SLC22A14: variants seen among roughly 807,000 people sequenced by gnomAD.
SLC22A14 encodes organic cation transporter-like 4.
In SLC22A14, 50 loss-of-function variants were observed where a neutral mutation model predicts 53.9. The ratio of observed to expected loss-of-function variants is 0.93; its 90% CI spans 0.74 to 1.17. The LOEUF is 1.17. Ranked by LOEUF, SLC22A14 falls within the 50% of genes most tolerant of loss-of-function variation. The pLI is 0.00. For missense variants in SLC22A14, 671 were observed against 734.7 expected, an observed-to-expected ratio of 0.91 and a Z score of 1.00; for synonymous variants, 312 against 303.0, an observed-to-expected ratio of 1.03 and a Z score of -0.31.
intron 4 of SLC22A14, 21 bp from the exon 5 acceptor site, chr3:38,308,933 G>T: frequency 6.2e-7 from 1 of 1,610,994 alleles, no homozygotes; most frequent in African/African-American, 1.3e-5. Context: ...CCATGGTTTT[G>T]TCCTCTTGGC....
intron 1 of SLC22A14, among the ~76,000 whole-genome samples, chr3:38,299,977 C>A (rs1436328161): frequency 6.6e-6 from 1 of 152,180 alleles, no homozygotes; most frequent in African/African-American, 2.4e-5. Context: ...TGTGAATAAC[C>A]TTGTACACAT....
In SLC22A14 at chr3:38,309,141, G is replaced by T; in HGVS notation, c.944+19G>T. 6.2e-7 allele frequency: 1 copy of T among 1,605,590 alleles called. No individual in the cohort carries two copies. Among genetic ancestry groups the T allele is most frequent in the Non-Finnish European group, 8.5e-7 (1 of 1,172,416 alleles). ...ATATCTGGTGAGCAAGCGAGTACCG[G>T]GCATGTACAGGGCTGGGTCTGATGG... On this transcript the variant is annotated intron_variant, in intron 5 of 10. Transcript: ENST00000448498.
chr3:38,287,472 A>C (rs1182362037), intron 1 of SLC22A14, among the ~76,000 whole-genome samples: 1 of 152,146 alleles, frequency 6.6e-6, no homozygotes. Context: ...TTATGATATG[A>C]TGAATCTAAT....
chr3:38,304,047 C>T (rs887929437), intron 1 of SLC22A14, among the ~76,000 whole-genome samples: 9 of 151,774 alleles, frequency 5.9e-5, no homozygotes, highest in Admixed American at 2.6e-4. Flanking sequence ...AAAAATTAGC[C>T]GGGCGTGGTG....
chr3:38,313,292 C>G, intron 6 of SLC22A14, 96 bp from the exon 7 acceptor site: 1 of 1,386,484 alleles, frequency 7.2e-7, no homozygotes, highest in Non-Finnish European at 1.0e-6. Context: ...AGCCAGCTGG[C>G]ACTTTCAGGG....
In SLC22A14 at chr3:38,308,951, C is replaced by G. The variant is rs375660502; in HGVS notation, c.776-3C>G. 3 of 1,613,598 alleles carry G rather than the reference C, an allele frequency of 1.9e-6. No individual in the cohort carries two copies. The South Asian group carries it at 3.3e-5, about 18-fold the overall frequency. ...TGGTTTTGTCCTCTTGGCCTCTGCA[C>G]AGCCACTGAGTGGTTAGTGGGTGAG... On this transcript the variant is annotated splice_polypyrimidine_tract_variant and splice_region_variant and intron_variant, in intron 4 of 10. Coordinates refer to ENST00000448498, the MANE Select transcript of SLC22A14 (RefSeq NM_001320033.2).
At position 38,315,646 on chromosome 3, in the gene SLC22A14, C is replaced by T; in HGVS notation, c.1467C>T (p.Phe489=). 1 of 1,614,130 alleles carries T rather than the reference C, an allele frequency of 6.2e-7. No individual in the cohort carries two copies. Among genetic ancestry groups the T allele is most frequent in the Non-Finnish European group, 8.5e-7 (1 of 1,180,018 alleles). ...TCTTGGTGCTCATGCTCAGAGAGTT[C>T]AGCCTGGCCGCCACTGTCACTGTGT... ...MTILVLMLRE[F]SLAATVTVFF... is the part of the protein sequence containing the mutation. Residue 489 remains phenylalanine, a synonymous_variant, in exon 9 of 11, where the codon TTC becomes TTT. Transcript: ENST00000448498.
rs759696180 is a variant in SLC22A14 at position 38,316,508 on chromosome 3, C to T, written c.1717C>T (p.His573Tyr). 1.2e-6 allele frequency: 2 copies of T among 1,613,982 alleles called. No individual in the cohort carries two copies. Among genetic ancestry groups the T allele is most frequent in the Admixed American group, 3.3e-5 (2 of 60,012 alleles). Residue 573 changes from histidine to tyrosine, a missense_variant, in exon 10 of 11, where the codon CAC (histidine) becomes TAC (tyrosine). His to Tyr is a moderately conservative substitution (Grantham distance 83, BLOSUM62 2). Transcript: ENST00000448498. ...RDQPLSESLNHSSQIRNKVKD... is the reference protein window; with the variant it reads ...RDQPLSESLNYSSQIRNKVKD... ...TCAGCCCCTCTCCGAGAGCCTGAAC[C>T]ACTCCTCACAGATAAGGTAGGTGTG...
chr3:38,306,454 C>A lies in SLC22A14; in HGVS notation c.428C>A (p.Ser143Tyr), dbSNP rs551829797. The A allele has an allele frequency of 1.1e-5, 18 of 1,614,106 alleles. No homozygotes were observed. In the Admixed American group the frequency reaches 2.3e-4, roughly 21 times the overall value. ...CTTCCTGTGCCTTGGAATCTGGATT[C>A]TATCATCCAGTTTGGCCTCAATGAC... is the stretch of plus-strand genomic sequence containing the variant. ...MYLPVPWNLDSIIQFGLNDTD... is the reference protein window; with the variant it reads ...MYLPVPWNLDYIIQFGLNDTD... Residue 143 changes from serine (S) to tyrosine (Y), a missense_variant, in exon 2 of 11, where the codon TCT (serine) becomes TAT (tyrosine). By Grantham distance (144) the Ser-to-Tyr change is moderately radical. Coordinates refer to ENST00000448498, the MANE Select transcript of SLC22A14 (RefSeq NM_001320033.2).
At position 38,309,131 on chromosome 3, in the gene SLC22A14, G is replaced by A. The variant is rs201624917; in HGVS notation, c.944+9G>A. 9.3e-6 allele frequency: 15 copies of A among 1,612,588 alleles called. No homozygotes were observed. Among genetic ancestry groups the A allele is most frequent in the Non-Finnish European group, 1.2e-5 (14 of 1,178,712 alleles). On this transcript the variant is annotated intron_variant, in intron 5 of 10. Coordinates refer to ENST00000448498, the MANE Select transcript of SLC22A14 (RefSeq NM_001320033.2). Reference sequence around the variant, plus strand: ...TTCATCTCCTATATCTGGTGAGCAAGCGAGTACCGGGCATGTACAGGGCTG... The same window carrying A: ...TTCATCTCCTATATCTGGTGAGCAAACGAGTACCGGGCATGTACAGGGCTG...
chr3:38,313,692 G>GCGCGCT, intron 7 of SLC22A14, 35 bp from the exon 8 acceptor site: 1 of 1,434,020 alleles, frequency 7.0e-7, no homozygotes, highest in African/African-American at 1.4e-5. Context: ...GTGTGCGCGC[G>GCGCGCT]TGTGCACGCG....
At chr3:38,305,967 G>A in intron 1 of SLC22A14, 60 bp from the exon 2 acceptor site, 1 of 1,531,132 alleles carries the variant, frequency 6.5e-7, no homozygotes, top group African/African-American at 1.4e-5. Context: ...TCCCATGCTG[G>A]TCTCTGATGT....
chr3:38,298,870 T>G (rs993006297), intron 1 of SLC22A14, among the ~76,000 whole-genome samples: 1 of 152,178 alleles, frequency 6.6e-6, no homozygotes, highest in African/African-American at 2.4e-5. Context: ...TGTCCTTTAT[T>G]GTAACTCCTT....
chr3:38,281,943 C>G (rs987224615), upstream of SLC22A14, among the ~76,000 whole-genome samples: 8 of 152,158 alleles, frequency 5.3e-5, no homozygotes, highest in Admixed American at 5.2e-4. Flanking sequence ...CTGACCAAGG[C>G]TGGTTGGCAG....
chr3:38,307,674 C>T lies in SLC22A14; in HGVS notation c.729C>T (p.Gly243=). The T allele has an allele frequency of 6.2e-7, 1 of 1,614,234 alleles. No individual in the cohort carries two copies. The highest frequency in any genetic ancestry group is 8.5e-7 in the Non-Finnish European group (1 of 1,180,046). ...ACCTGTATTTGTTCTTTCGCTTTGG[C>T]ATCTCGCAGTCAGTGGTGGGCTACG... is the stretch of plus-strand genomic sequence containing the variant. ...SFHLYLFFRF[G]ISQSVVGYAI... The change falls in exon 4 of 11, where the codon GGC becomes GGT. Residue 243 remains glycine (G), a synonymous_variant. Transcript: ENST00000448498. This position sits in a 1 kb window ranked among gnomAD's most constrained non-coding sequence, Gnocchi z 4.4.
intron 1 of SLC22A14, among the ~76,000 whole-genome samples, chr3:38,292,066 C>G (rs188447698): frequency 3.2e-4 from 48 of 152,296 alleles, no homozygotes; most frequent in African/African-American, 1.2e-3. Context: ...GGTTTGGAAA[C>G]CTTGTAGCCA....
chr3:38,300,675 G>A (rs371175728), intron 1 of SLC22A14, among the ~76,000 whole-genome samples: 281 of 152,272 alleles, frequency 1.8e-3, no homozygotes, highest in African/African-American at 6.5e-3. Flanking sequence ...GCCCAGCATT[G>A]TTATTGGGGG....
chr3:38,280,791 G>A (rs568866394), upstream of SLC22A14, among the ~76,000 whole-genome samples: 10 of 152,326 alleles, frequency 6.6e-5, no homozygotes, highest in South Asian at 2.1e-3. Context: ...CACTGCGCCA[G>A]GCTAATTTTT....
At chr3:38,292,457 T>C (rs531224085) in intron 1 of SLC22A14, among the ~76,000 whole-genome samples, 5 of 152,274 alleles carry the variant, frequency 3.3e-5, no homozygotes, top group African/African-American at 4.8e-5. Context: ...AACAGCCTCA[T>C]TGATAATCCT....
Sources: gnomAD v4.1 joint callset for allele counts (sites outside exome capture counted in the v4.1 genomes callset) on GRCh38, gnomAD v4.1.1 for gene constraint, Gnocchi (gnomAD v3.1) non-coding constraint, MANE v1.5 for transcripts, NCBI Gene and HGNC (gene_info 2026-07-23, HGNC 2026-07-21) for gene names.